KCNMA1: variants seen among roughly 807,000 people sequenced by gnomAD.
The protein encoded by KCNMA1 is potassium calcium-activated channel subfamily M alpha 1, also known as Calcium-activated potassium channel subunit alpha-1.
A neutral mutation model predicts 140.0 loss-of-function variants in KCNMA1; 29 were observed. The ratio of observed to expected loss-of-function variants is 0.21; its 90% confidence interval spans 0.15 to 0.28. The LOEUF (loss-of-function observed/expected upper bound fraction) is 0.28, where lower values mean the gene tolerates loss of function less well. Ranked by LOEUF, KCNMA1 falls within the 10% of genes least tolerant of loss-of-function variation. KCNMA1 has a pLI of 1.00. For synonymous variants in KCNMA1, 612 were observed against 611.9 expected, an observed-to-expected ratio of 1.00 and a Z score of 0.00; for missense variants, 880 against 1,602.2, an observed-to-expected ratio of 0.55 and a Z score of 7.70.
chr10:76,984,965 T>G (rs1178760942), intron 19 of KCNMA1, among the ~76,000 whole-genome samples: 2 of 152,174 alleles, frequency 1.3e-5, no homozygotes, highest in Non-Finnish European at 2.9e-5. Context: ...GTACCTAGAA[T>G]CCAGGTAGAG....
At chr10:77,476,103 G>A (rs530514402) in intron 1 of KCNMA1, among the ~76,000 whole-genome samples, 4 of 152,310 alleles carry the variant, frequency 2.6e-5, no homozygotes, top group African/African-American at 9.6e-5. Flanking sequence ...CTCCTCCAGC[G>A]ACTTTGAGCA....
intron 23 of KCNMA1, among the ~76,000 whole-genome samples, chr10:76,916,729 T>C (rs1014288834): frequency 2.0e-5 from 3 of 152,208 alleles, no homozygotes; most frequent in Non-Finnish European, 4.4e-5. Context: ...TGTGACAAGA[T>C]TGTGTTGAGT....
At chr10:76,936,684 C>T (rs1456741584) in intron 23 of KCNMA1, among the ~76,000 whole-genome samples, 2 of 152,092 alleles carry the variant, frequency 1.3e-5, no homozygotes, top group African/African-American at 2.4e-5. Context: ...CTGCAAGAAA[C>T]AGTGAGCAGC....
Position 76,949,273 on chromosome 10 carries a change from G to A in KCNMA1, c.2578C>T (p.Leu860=). 1.2e-6 allele frequency: 2 copies of A among 1,614,158 alleles called. No homozygotes were observed. The highest frequency in any genetic ancestry group is 2.2e-5 in the South Asian group (2 of 91,084). ...VSSALIGLRN[L]VMPLRASNFH... ...TTGCTGGCACGGAGCGGCATCACCA[G>A]GTTCCGGAGGCCGATCAGGGCTGAG... is the stretch of plus-strand genomic sequence containing the variant. Residue 860 remains leucine (L), a synonymous_variant, in exon 22 of 28, where the codon CTG becomes TTG. Transcript: ENST00000286628.
intron 14 of KCNMA1, among the ~76,000 whole-genome samples, chr10:77,055,963 T>C (rs567107418): frequency 6.6e-6 from 1 of 152,274 alleles, no homozygotes; most frequent in East Asian, 1.9e-4. Flanking sequence ...AACTACAATA[T>C]AGACCACCAC....
intron 3 of KCNMA1, among the ~76,000 whole-genome samples, chr10:77,224,394 T>G: frequency 6.6e-6 from 1 of 152,214 alleles, no homozygotes; most frequent in East Asian, 1.9e-4. Flanking sequence ...CTTTTCAGTA[T>G]AGCTCTCAAG....
At chr10:77,251,328 C>A in intron 2 of KCNMA1, 72 bp from the exon 3 acceptor site, 1 of 1,190,242 alleles carries the variant, frequency 8.4e-7, no homozygotes, top group Non-Finnish European at 1.2e-6. Context: ...TGACACATAC[C>A]GAAGCAGCTT....
At chr10:77,267,872 T>G (rs1484751141) in intron 2 of KCNMA1, among the ~76,000 whole-genome samples, 1 of 152,222 alleles carries the variant, frequency 6.6e-6, no homozygotes, top group East Asian at 1.9e-4. Flanking sequence ...GGAGATCACC[T>G]GCCAAGAATA....
intron 2 of KCNMA1, among the ~76,000 whole-genome samples, chr10:77,319,745 C>T (rs1197171305): frequency 6.6e-6 from 1 of 152,214 alleles, no homozygotes; most frequent in Non-Finnish European, 1.5e-5. Context: ...GAGCAGTTCA[C>T]CACTGCCTCC....
At chr10:77,556,963 G>C (rs1349892610) in intron 1 of KCNMA1, among the ~76,000 whole-genome samples, 1 of 152,198 alleles carries the variant, frequency 6.6e-6, no homozygotes, top group Non-Finnish European at 1.5e-5. Context: ...AGGCAATAGA[G>C]CATGTATTAT....
intron 1 of KCNMA1, among the ~76,000 whole-genome samples, chr10:77,415,559 C>T (rs2096722293): frequency 6.6e-6 from 1 of 152,230 alleles, no homozygotes; most frequent in African/African-American, 2.4e-5. Context: ...TCAGGGCAGA[C>T]TGGGATATGG....
At chr10:77,064,129 C>T in intron 14 of KCNMA1, 1 of 984,948 alleles carries the variant, frequency 1.0e-6, no homozygotes, top group Non-Finnish European at 1.2e-6. Flanking sequence ...TAAAAGAATC[C>T]ATATGTGATT....
chr10:77,466,519 C>A (rs961379432), intron 1 of KCNMA1, among the ~76,000 whole-genome samples: 1 of 152,198 alleles, frequency 6.6e-6, no homozygotes, highest in African/African-American at 2.4e-5. Flanking sequence ...AGAGCTTATT[C>A]TCTAGTGAGA....
chr10:77,633,520 A>G (rs957309639), intron 1 of KCNMA1, among the ~76,000 whole-genome samples: 12 of 152,202 alleles, frequency 7.9e-5, no homozygotes, highest in African/African-American at 2.7e-4. Context: ...ATGAGGCACA[A>G]GGGCCAATCT....
rs570794874 is a variant in KCNMA1, at chr10:77,147,447, T to G, written c.809-26399A>C. 6.3e-5 allele frequency among the ~76,000 whole-genome samples: 9 copies of G among 143,866 alleles called. No individual in the cohort carries two copies. In the East Asian group the frequency reaches 2.1e-3, roughly 34 times the overall value. The allele number at this position is 143,866 out of a possible 152,430, so 94.4% of individuals were successfully genotyped here. A position where few individuals can be genotyped will look rare whatever the true frequency, so the allele number is the denominator to read the frequency against. ...CCTCCCTCCCTCCTTCCCTTCCCCC[T>G]GAAAGCTAACCATCAGAGGGGTGGA... On this transcript the variant is annotated intron_variant, in intron 5 of 27. Transcript: ENST00000286628.
chr10:77,316,933 AC>A (rs2081049463), intron 2 of KCNMA1, among the ~76,000 whole-genome samples: 1 of 152,074 alleles, frequency 6.6e-6, no homozygotes, highest in Admixed American at 6.6e-5. Flanking sequence ...TAGCCCTGCG[AC>A]CCTGACTTGC....
At chr10:77,366,155 T>C (rs573119131) in intron 2 of KCNMA1, among the ~76,000 whole-genome samples, 14 of 152,118 alleles carry the variant, frequency 9.2e-5, no homozygotes, top group Admixed American at 9.2e-4. Flanking sequence ...TTTCTCTTTC[T>C]TTCTTTCTTC....
chr10:77,323,408 A>G (rs12241296), intron 2 of KCNMA1, among the ~76,000 whole-genome samples: 21,471 of 152,186 alleles, frequency 0.14, 2,074 homozygotes, highest in African/African-American at 0.27. Flanking sequence ...TGGGGGGCAA[A>G]TTCTAAAGAG....
chr10:77,100,398 C>T (rs556176807), intron 9 of KCNMA1, among the ~76,000 whole-genome samples: 1 of 152,132 alleles, frequency 6.6e-6, no homozygotes, highest in African/African-American at 2.4e-5. Context: ...ATTACTTTTC[C>T]AGCAACTGGT....
Sources: gnomAD v4.1 joint callset for allele counts (sites outside exome capture counted in the v4.1 genomes callset) on GRCh38, gnomAD v4.1.1 for gene constraint, MANE v1.5 for transcripts, NCBI Gene and HGNC (gene_info 2026-07-23, HGNC 2026-07-21) for gene names.